SYT1: variants seen among roughly 807,000 people sequenced by gnomAD.
SYT1 encodes synaptotagmin-1.
A neutral mutation model predicts 44.8 loss-of-function variants in SYT1; 8 were observed. That is an observed-to-expected ratio of 0.18 (90% CI 0.10 to 0.32). The LOEUF (loss-of-function observed/expected upper bound fraction) is 0.32, where lower values mean the gene tolerates loss of function less well. Among genes scored for constraint, SYT1 ranks in the 10% least tolerant of loss-of-function variants. SYT1 has a pLI of 1.00. For synonymous variants in SYT1, 154 were observed against 188.8 expected, an observed-to-expected ratio of 0.82 and a Z score of 1.51; for missense variants, 286 against 509.3, an observed-to-expected ratio of 0.56 and a Z score of 4.22.
At chr12:79,061,703 A>G (rs1013585892) in intron 3 of SYT1, among the ~76,000 whole-genome samples, 6 of 152,144 alleles carry the variant, frequency 3.9e-5, no homozygotes, top group Non-Finnish European at 8.8e-5. Flanking sequence ...AAAGCTTTGC[A>G]AAGGAAAGGG....
intron 4 of SYT1, 28 bp downstream of exon 4, chr12:79,217,713 A>G (rs201863433): frequency 1.2e-4 from 183 of 1,566,850 alleles, no homozygotes; most frequent in Non-Finnish European, 1.5e-4. Flanking sequence ...GTACTTGAGT[A>G]AAAATAAGTG....
chr12:78,944,925 G>A (rs1878571420), intron 1 of SYT1, among the ~76,000 whole-genome samples: 1 of 152,100 alleles, frequency 6.6e-6, no homozygotes, highest in African/African-American at 2.4e-5. Context: ...CCTCAGATGT[G>A]GGACATGATT....
At chr12:79,066,490 TA>T (rs1038808316) in intron 3 of SYT1, among the ~76,000 whole-genome samples, 20 of 139,754 alleles carry the variant, frequency 1.4e-4, no homozygotes, top group Non-Finnish European at 1.7e-4. Flanking sequence ...AAAAAAAAAT[TA>T]AAAAAAAAAA....
chr12:79,290,873 A>C (rs1879548068), intron 5 of SYT1, among the ~76,000 whole-genome samples: 1 of 152,206 alleles, frequency 6.6e-6, no homozygotes, highest in Non-Finnish European at 1.5e-5. Flanking sequence ...AGAAGAAAAA[A>C]TACAAATGGT....
At chr12:79,105,027 T>C (rs1241982909) in intron 3 of SYT1, among the ~76,000 whole-genome samples, 1 of 152,076 alleles carries the variant, frequency 6.6e-6, no homozygotes, top group Non-Finnish European at 1.5e-5. Flanking sequence ...TAGACACAGA[T>C]CATACTGTGC....
intron 3 of SYT1, among the ~76,000 whole-genome samples, chr12:79,084,811 A>G (rs913322997): frequency 1.5e-4 from 23 of 152,140 alleles, no homozygotes; most frequent in African/African-American, 5.3e-4. Flanking sequence ...ATAGAATTTG[A>G]TATAGATAAA....
chr12:78,873,538 A>G (rs1873925873), intron 1 of SYT1, among the ~76,000 whole-genome samples: 1 of 151,656 alleles, frequency 6.6e-6, no homozygotes, highest in African/African-American at 2.4e-5. Context: ...CTGTGATGTT[A>G]GATAAGTCAC....
At chr12:79,005,608 G>T (rs937767399) in intron 2 of SYT1, among the ~76,000 whole-genome samples, 2 of 151,988 alleles carry the variant, frequency 1.3e-5, no homozygotes, top group Non-Finnish European at 2.9e-5. Flanking sequence ...ATATATAATA[G>T]CATTATTAGT....
At chr12:78,972,384 C>G (rs1054229835) in intron 1 of SYT1, among the ~76,000 whole-genome samples, 6 of 151,888 alleles carry the variant, frequency 4.0e-5, no homozygotes, top group Non-Finnish European at 8.8e-5. Flanking sequence ...AATCTTTTAA[C>G]CTACATTGAC....
At chr12:79,407,898 C>T (rs1885299210) in intron 9 of SYT1, among the ~76,000 whole-genome samples, 1 of 152,048 alleles carries the variant, frequency 6.6e-6, no homozygotes, top group Non-Finnish European at 1.5e-5. Context: ...GTATTGTGAC[C>T]TCTTCTTCCC....
chr12:79,339,003 CT>C (rs1169207830), intron 8 of SYT1, among the ~76,000 whole-genome samples: 11 of 152,172 alleles, frequency 7.2e-5, no homozygotes, highest in Middle Eastern at 6.8e-3. Flanking sequence ...TGAATTCATC[CT>C]TTTTTATGGC....
chr12:78,997,844 A>G (rs1399212021), intron 2 of SYT1, among the ~76,000 whole-genome samples: 1 of 152,124 alleles, frequency 6.6e-6, no homozygotes, highest in African/African-American at 2.4e-5. Flanking sequence ...AAAGAGAACC[A>G]CTGCTTCAAG....
At chr12:78,919,930 C>T (rs1472307103) in intron 1 of SYT1, among the ~76,000 whole-genome samples, 2 of 151,854 alleles carry the variant, frequency 1.3e-5, no homozygotes, top group Non-Finnish European at 1.5e-5. Context: ...AATACATTGT[C>T]CTAGTGATCA....
intron 4 of SYT1, among the ~76,000 whole-genome samples, chr12:79,257,798 A>C (rs943615856): frequency 2.6e-5 from 4 of 152,192 alleles, no homozygotes; most frequent in African/African-American, 9.6e-5. Flanking sequence ...CCGAGAAAGA[A>C]AAGCATCTGA....
chr12:78,900,384 T>C (rs1875594796), intron 1 of SYT1, among the ~76,000 whole-genome samples: 1 of 152,048 alleles, frequency 6.6e-6, no homozygotes, highest in Non-Finnish European at 1.5e-5. Context: ...TGAAATCAGG[T>C]GGATTTAATT....
At chr12:79,447,496 C>G (rs374221715) in intron 10 of SYT1, among the ~76,000 whole-genome samples, 6 of 152,096 alleles carry the variant, frequency 3.9e-5, no homozygotes, top group African/African-American at 1.2e-4. Flanking sequence ...AAAGGCTTCA[C>G]AAGGATATTT....
intron 3 of SYT1, among the ~76,000 whole-genome samples, chr12:79,146,600 T>C (rs1421336626): frequency 2.0e-5 from 3 of 152,168 alleles, no homozygotes; most frequent in Admixed American, 6.5e-5. Context: ...TCTCCAGACA[T>C]TCACCTCAGA....
intron 1 of SYT1, among the ~76,000 whole-genome samples, chr12:78,958,868 G>A (rs1168952910): frequency 6.6e-6 from 1 of 152,066 alleles, no homozygotes; most frequent in Admixed American, 6.6e-5. Context: ...TATTTAGAGG[G>A]CTTACAAGTC....
intron 3 of SYT1, among the ~76,000 whole-genome samples, chr12:79,100,390 C>T (rs1386658807): frequency 6.6e-6 from 1 of 151,738 alleles, no homozygotes; most frequent in African/African-American, 2.4e-5. Context: ...AACTGGTCTG[C>T]TAAGAAGTCA....
Sources: allele counts gnomAD v4.1 joint callset (sites outside exome capture counted in the v4.1 genomes callset), GRCh38; gene constraint gnomAD v4.1.1; transcripts MANE v1.5; gene names NCBI Gene and HGNC (gene_info 2026-07-23, HGNC 2026-07-21).